Variants in CYYR1 observed in about 807,000 individuals in gnomAD.
CYYR1 encodes cysteine and tyrosine-rich protein 1.
CYYR1 carries 14 observed loss-of-function variants against 15.2 expected under a neutral mutation model. The observed-to-expected ratio is 0.92, with a 90% CI of 0.61 to 1.44. CYYR1 has a LOEUF of 1.44. Among genes scored for constraint, CYYR1 ranks in the 40% most tolerant of loss-of-function variants. The pLI is 0.00. For synonymous variants in CYYR1, 80 were observed against 77.4 expected (o/e 1.03, Z -0.18); for missense variants, 228 against 209.5 (o/e 1.09, Z -0.54).
chr21:26,564,918 T>C, intron 2 of CYYR1: 5 of 578,292 alleles, frequency 8.6e-6, no homozygotes, highest in Non-Finnish European at 1.2e-5. Flanking sequence ...TATGCCACTG[T>C]AAACATCATT....
rs992870234 is a variant in CYYR1, at chr21:26,572,987, G to A, written c.-47C>T. The A allele has an allele frequency of 6.8e-6, 11 of 1,612,826 alleles. No homozygotes were observed. The highest frequency in any genetic ancestry group is 2.2e-5 in the East Asian group (1 of 44,826). On this transcript the variant is annotated 5_prime_UTR_variant, in exon 1 of 4. Coordinates refer to ENST00000652641, the MANE Select transcript of CYYR1 (RefSeq NM_001320768.2). ...TGGAGCGAAGGGAGAGCCCGGAACC[G>A]GAGGGAATGGGGAGGATGGAGGGCG...
At chr21:26,531,463 C>A (rs1262985711) in intron 2 of CYYR1, among the ~76,000 whole-genome samples, 1 of 152,142 alleles carries the variant, frequency 6.6e-6, no homozygotes, top group African/African-American at 2.4e-5. Context: ...AATCCCTGGA[C>A]TTCCTCCTTG....
At chr21:26,496,858 C>A (rs1216351410) in intron 2 of CYYR1, among the ~76,000 whole-genome samples, 1 of 152,100 alleles carries the variant, frequency 6.6e-6, no homozygotes. Flanking sequence ...AGTTTCCCAC[C>A]AGATGTGAGT....
intron 2 of CYYR1, among the ~76,000 whole-genome samples, chr21:26,495,168 G>A (rs573553610): frequency 7.9e-5 from 12 of 152,284 alleles, no homozygotes; most frequent in Admixed American, 2.0e-4. Flanking sequence ...GCGGAATAAG[G>A]AGAATTACAG....
At chr21:26,472,993 C>T (rs867232475) in intron 3 of CYYR1, among the ~76,000 whole-genome samples, 6 of 151,978 alleles carry the variant, frequency 3.9e-5, no homozygotes, top group African/African-American at 7.2e-5. Flanking sequence ...TTGGTTAGGC[C>T]GAATTATCTA....
intron 3 of CYYR1, among the ~76,000 whole-genome samples, chr21:26,476,194 C>T (rs567864316): frequency 1.1e-4 from 16 of 152,192 alleles, no homozygotes; most frequent in African/African-American, 3.6e-4. Context: ...GAATGTTCCC[C>T]AACTTGGGTT....
intron 2 of CYYR1, among the ~76,000 whole-genome samples, chr21:26,532,607 C>T (rs140771794): frequency 2.0e-5 from 3 of 152,252 alleles, no homozygotes; most frequent in Non-Finnish European, 2.9e-5. Context: ...ATTGTTTGTT[C>T]CTGCTGTTGT....
chr21:26,515,677 G>A (rs1319686003), intron 2 of CYYR1, among the ~76,000 whole-genome samples: 2 of 151,992 alleles, frequency 1.3e-5, no homozygotes, highest in Non-Finnish European at 2.9e-5. Context: ...GCATTGATAT[G>A]GTTCTATGCT....
intron 2 of CYYR1, among the ~76,000 whole-genome samples, chr21:26,507,538 T>C (rs1355710103): frequency 1.3e-5 from 2 of 152,208 alleles, no homozygotes; most frequent in Non-Finnish European, 2.9e-5. Flanking sequence ...AATGGATTTC[T>C]CCTTTATACT....
intron 2 of CYYR1, among the ~76,000 whole-genome samples, chr21:26,498,188 A>G (rs574884389): frequency 2.0e-5 from 3 of 152,232 alleles, no homozygotes; most frequent in African/African-American, 7.2e-5. Flanking sequence ...GGCCTCTCTC[A>G]GGGAGAAAGA....
intron 2 of CYYR1, among the ~76,000 whole-genome samples, chr21:26,543,404 C>CA (rs895423363): frequency 7.2e-4 from 107 of 149,562 alleles, no homozygotes; most frequent in Admixed American, 1.6e-3. Flanking sequence ...TAATCTTTTT[C>CA]AAAAAAAAAA....
chr21:26,562,391 T>C (rs1233247341), intron 2 of CYYR1, among the ~76,000 whole-genome samples: 1 of 152,198 alleles, frequency 6.6e-6, no homozygotes, highest in Non-Finnish European at 1.5e-5. Context: ...CGGTTCTATA[T>C]AAAATCGGAT....
At chr21:26,482,492 T>A in intron 2 of CYYR1, 4 of 985,302 alleles carry the variant, frequency 4.1e-6, no homozygotes, top group Non-Finnish European at 4.8e-6. Flanking sequence ...CCTTGAGCCC[T>A]GTTTGCTGGT....
intron 2 of CYYR1, among the ~76,000 whole-genome samples, chr21:26,557,494 G>T (rs1300898051): frequency 1.3e-5 from 2 of 152,098 alleles, no homozygotes; most frequent in Non-Finnish European, 2.9e-5. Flanking sequence ...GGCATTGATT[G>T]TCCCCACCAC....
chr21:26,515,928 G>A (rs1274239903), intron 2 of CYYR1, among the ~76,000 whole-genome samples: 4 of 151,994 alleles, frequency 2.6e-5, no homozygotes, highest in Non-Finnish European at 4.4e-5. Flanking sequence ...TTTTTGACTT[G>A]ATTCTTTCCA....
At chr21:26,572,738 A>G (rs1436950521) in intron 1 of CYYR1, 130 bp downstream of exon 1, 2 of 1,136,844 alleles carry the variant, frequency 1.8e-6, no homozygotes, top group African/African-American at 1.6e-5. Context: ...CCTCGCGGAA[A>G]AGGCAGAAGC....
chr21:26,498,957 G>A (rs1164040033), intron 2 of CYYR1, among the ~76,000 whole-genome samples: 2 of 152,074 alleles, frequency 1.3e-5, no homozygotes, highest in African/African-American at 4.8e-5. Context: ...GGGATTATGG[G>A]AACTACAATT....
intron 3 of CYYR1, among the ~76,000 whole-genome samples, chr21:26,479,078 G>A (rs1323931676): frequency 6.6e-6 from 1 of 152,078 alleles, no homozygotes; most frequent in African/African-American, 2.4e-5. Context: ...AGATACATGG[G>A]AGGCATTAGC....
intron 2 of CYYR1, among the ~76,000 whole-genome samples, chr21:26,552,442 G>A (rs983609202): frequency 1.3e-5 from 2 of 152,054 alleles, no homozygotes; most frequent in Admixed American, 1.3e-4. Context: ...TCCATTTGCT[G>A]TTTTTACTGG....
Sources: gnomAD v4.1 joint callset for allele counts (sites outside exome capture counted in the v4.1 genomes callset) on GRCh38, gnomAD v4.1.1 for gene constraint, MANE v1.5 for transcripts, NCBI Gene and HGNC (gene_info 2026-07-23, HGNC 2026-07-21) for gene names.